The following SPAG16 variants were observed in gnomAD, a reference collection of about 807,000 sequenced individuals.
SPAG16 encodes the protein sperm-associated antigen 16 protein.
SPAG16 carries 86 observed loss-of-function variants against 80.4 expected under a neutral mutation model. That is an observed-to-expected ratio of 1.07 (90% CI 0.90 to 1.28). The LOEUF (loss-of-function observed/expected upper bound fraction) is 1.28, where lower values mean the gene tolerates loss of function less well. SPAG16 is among the 50% of genes most tolerant of loss of function. The pLI is 0.00. For synonymous variants in SPAG16, 294 were observed against 265.9 expected (o/e 1.11, Z -1.03); for missense variants, 870 against 765.3 (o/e 1.14, Z -1.61).
intron 11 of SPAG16, among the ~76,000 whole-genome samples, chr2:213,910,365 A>T (rs7571177): frequency 0.05 from 7,607 of 152,274 alleles, 250 homozygotes; most frequent in African/African-American, 0.086. Context: ...CTAGGAGAGG[A>T]ACAACTCATT....
intron 10 of SPAG16, among the ~76,000 whole-genome samples, chr2:213,571,932 C>T (rs1576015863): frequency 7.3e-6 from 1 of 137,162 alleles, no homozygotes; most frequent in East Asian, 2.0e-4. Context: ...AGGCTTTGCT[C>T]ATTTCTTTTT....
intron 10 of SPAG16, among the ~76,000 whole-genome samples, chr2:213,597,025 C>G (rs60038353): frequency 1.3e-5 from 2 of 152,216 alleles, no homozygotes; most frequent in South Asian, 4.1e-4. Context: ...AAAGACATTA[C>G]AAGACACCAA....
At chr2:214,116,541 C>T (rs2053944098) in intron 14 of SPAG16, among the ~76,000 whole-genome samples, 1 of 152,156 alleles carries the variant, frequency 6.6e-6, no homozygotes. Flanking sequence ...CACAGCAGAT[C>T]CTGAGAGGGC....
intron 13 of SPAG16, among the ~76,000 whole-genome samples, chr2:214,069,920 C>CT (rs905337897): frequency 3.0e-4 from 45 of 152,064 alleles, no homozygotes; most frequent in African/African-American, 1.0e-3. Flanking sequence ...GAGCTTCTCA[C>CT]TGAGACTCTT....
chr2:214,232,242 A>T (rs1372457106), intron 15 of SPAG16, among the ~76,000 whole-genome samples: 1 of 152,180 alleles, frequency 6.6e-6, no homozygotes, highest in South Asian at 2.1e-4. Context: ...ATGAAAAGTC[A>T]AATTTAGAAT....
chr2:213,536,358 T>TG (rs1390158847), intron 10 of SPAG16, among the ~76,000 whole-genome samples: 1 of 152,174 alleles, frequency 6.6e-6, no homozygotes, highest in Non-Finnish European at 1.5e-5. Context: ...ATGCAATGGC[T>TG]GGGTCAAATG....
intron 15 of SPAG16, among the ~76,000 whole-genome samples, chr2:214,177,991 A>G (rs1233076832): frequency 2.6e-4 from 32 of 123,786 alleles, no homozygotes; most frequent in African/African-American, 5.5e-4. Flanking sequence ...ATATATATAT[A>G]TATATATATA....
chr2:213,949,474 G>C (rs780485215), intron 12 of SPAG16, among the ~76,000 whole-genome samples: 1 of 152,020 alleles, frequency 6.6e-6, no homozygotes, highest in East Asian at 1.9e-4. Flanking sequence ...GCCTACAATA[G>C]TTCTTTTTAA....
chr2:213,734,035 C>T (rs1176868696), intron 10 of SPAG16, among the ~76,000 whole-genome samples: 3 of 152,166 alleles, frequency 2.0e-5, no homozygotes, highest in Non-Finnish European at 4.4e-5. Flanking sequence ...CACTGAGACT[C>T]ACTGTGATTC....
intron 15 of SPAG16, among the ~76,000 whole-genome samples, chr2:214,356,401 T>C (rs1698804843): frequency 7.6e-6 from 1 of 130,948 alleles, no homozygotes; most frequent in Admixed American, 7.6e-5. Context: ...AGTGGAGAAA[T>C]ATCTAGGCTG....
At chr2:213,751,585 A>T (rs1003060734) in intron 10 of SPAG16, among the ~76,000 whole-genome samples, 3 of 151,722 alleles carry the variant, frequency 2.0e-5, no homozygotes, top group Non-Finnish European at 2.9e-5. Flanking sequence ...TGTCACCCCA[A>T]CCTCTCTGGA....
rs537343758 is a variant in SPAG16, at chr2:214,351,363, T to A, written c.1721-58777T>A. Reference sequence around the variant, plus strand: ...ATTATATGCCTTCATGGTATATTTATACACAGATAGGATTGTCTGTGTGTC... The same window carrying A: ...ATTATATGCCTTCATGGTATATTTAAACACAGATAGGATTGTCTGTGTGTC... On this transcript the variant is annotated intron_variant, in intron 15 of 15. Transcript: ENST00000331683. 7.2e-5 allele frequency among the ~76,000 whole-genome samples: 11 copies of A among 152,128 alleles called. No individual in the cohort carries two copies. The East Asian group carries it at 1.3e-3, about 19-fold the overall frequency.
At chr2:213,342,287 A>G (rs141537995) in intron 6 of SPAG16, among the ~76,000 whole-genome samples, 35 of 141,640 alleles carry the variant, frequency 2.5e-4, no homozygotes, top group African/African-American at 8.5e-4. Context: ...ATACATATGT[A>G]TATATATATG....
At chr2:213,578,015 T>C (rs1212879786) in intron 10 of SPAG16, among the ~76,000 whole-genome samples, 2 of 152,026 alleles carry the variant, frequency 1.3e-5, no homozygotes, top group Non-Finnish European at 2.9e-5. Flanking sequence ...CTGATTATCA[T>C]AACATAACTC....
intron 15 of SPAG16, among the ~76,000 whole-genome samples, chr2:214,395,074 T>C (rs1299241545): frequency 6.6e-6 from 1 of 152,206 alleles, no homozygotes; most frequent in East Asian, 1.9e-4. Context: ...GAATATTCCA[T>C]TGTCTGGATG....
chr2:213,387,604 G>A (rs1458186984), intron 9 of SPAG16, among the ~76,000 whole-genome samples: 13 of 137,298 alleles, frequency 9.5e-5, no homozygotes, highest in Admixed American at 5.1e-4. Flanking sequence ...ACAGGCGCCC[G>A]CCACCACGCC....
At chr2:213,302,208 T>C (rs1015629020) in intron 3 of SPAG16, among the ~76,000 whole-genome samples, 1 of 152,152 alleles carries the variant, frequency 6.6e-6, no homozygotes, top group Non-Finnish European at 1.5e-5. Flanking sequence ...AGTGAGACCA[T>C]GTTTCGCTAG....
At chr2:214,000,860 C>G (rs1286079271) in intron 12 of SPAG16, among the ~76,000 whole-genome samples, 1 of 152,060 alleles carries the variant, frequency 6.6e-6, no homozygotes, top group Non-Finnish European at 1.5e-5. Flanking sequence ...CAATCAAGCC[C>G]CTGGATAACC....
At chr2:213,315,550 A>C (rs970925183) in intron 4 of SPAG16, among the ~76,000 whole-genome samples, 1 of 152,098 alleles carries the variant, frequency 6.6e-6, no homozygotes, top group South Asian at 2.1e-4. Flanking sequence ...CCTAGATTTC[A>C]TATCTTCTTC....
Sources: allele counts gnomAD v4.1 joint callset (sites outside exome capture counted in the v4.1 genomes callset), GRCh38; gene constraint gnomAD v4.1.1; transcripts MANE v1.5; gene names NCBI Gene and HGNC (gene_info 2026-07-23, HGNC 2026-07-21).